FAM193A: variants seen among roughly 807,000 people sequenced by gnomAD.
The protein encoded by FAM193A is family with sequence similarity 193 member A.
A neutral mutation model predicts 126.5 loss-of-function variants in FAM193A; 22 were observed. The observed-to-expected ratio is 0.17, with a 90% confidence interval of 0.12 to 0.25. The LOEUF is 0.25. Ranked by LOEUF, FAM193A falls within the 10% of genes least tolerant of loss-of-function variation. The pLI is 1.00. For missense variants in FAM193A, 1,675 were observed against 1,672.8 expected (o/e 1.00, Z -0.02); for synonymous variants, 761 against 646.8 (o/e 1.18, Z -2.68).
intron 5 of FAM193A, among the ~76,000 whole-genome samples, chr4:2,637,101 T>C (rs1260964107): frequency 6.6e-6 from 1 of 152,100 alleles, no homozygotes; most frequent in South Asian, 2.1e-4. Flanking sequence ...CCAAGGTGGG[T>C]GGATTACTTG....
Position 2,661,439 on chromosome 4 carries a change from G to A in FAM193A, c.1745+1385G>A, listed in dbSNP as rs1712432441. Among the ~76,000 whole-genome samples the A allele has an allele frequency of 2.0e-5, 3 of 152,190 alleles. No homozygotes were observed. In the South Asian group the frequency reaches 6.2e-4, roughly 32 times the overall value. The stretch of plus-strand genomic sequence containing the variant: ...CCTCCTGCTGTCACATGGAGCAAAT[G>A]GCTGAGTTACTTCACTAGAACCTCA... On this transcript the variant is annotated intron_variant, in intron 10 of 20. Transcript: ENST00000637812.
intron 20 of FAM193A, among the ~76,000 whole-genome samples, chr4:2,723,131 G>A (rs556038321): frequency 8.5e-5 from 13 of 152,224 alleles, no homozygotes; most frequent in African/African-American, 1.9e-4. Context: ...AAAATTAGCC[G>A]GGTGTGGTGG....
chr4:2,651,323 T>A (rs1367949378), intron 7 of FAM193A, among the ~76,000 whole-genome samples: 1 of 151,690 alleles, frequency 6.6e-6, no homozygotes, highest in Non-Finnish European at 1.5e-5. Flanking sequence ...AGAGTGAAAC[T>A]CTGTCTCAAA....
At chr4:2,578,402 A>T (rs1302108306) in intron 1 of FAM193A, among the ~76,000 whole-genome samples, 2 of 151,864 alleles carry the variant, frequency 1.3e-5, no homozygotes, top group Non-Finnish European at 2.9e-5. Flanking sequence ...TGTATCAAGC[A>T]CTTGACATAC....
At chr4:2,553,301 G>GC (rs1304017997) in intron 1 of FAM193A, among the ~76,000 whole-genome samples, 19 of 151,916 alleles carry the variant, frequency 1.3e-4, no homozygotes, top group Non-Finnish European at 2.2e-4. Context: ...TGAATAGCCA[G>GC]CCATTGCACT....
intron 16 of FAM193A, among the ~76,000 whole-genome samples, chr4:2,694,392 C>T (rs920720293): frequency 6.6e-6 from 1 of 152,014 alleles, no homozygotes; most frequent in African/African-American, 2.4e-5. Context: ...GCCTCAGCCT[C>T]CCAAGTAGTG....
intron 13 of FAM193A, among the ~76,000 whole-genome samples, chr4:2,674,329 TA>T (rs1413748704): frequency 6.6e-6 from 1 of 152,248 alleles, no homozygotes; most frequent in African/African-American, 2.4e-5. Context: ...CATAATGCGT[TA>T]GCAGCCCTGA....
In FAM193A at chr4:2,696,428, C is replaced by G. The variant is rs1333704185; in HGVS notation, c.3342C>G (p.Thr1114=). The change falls in exon 18 of 21, where the codon ACC becomes ACG. Residue 1114 remains threonine, a synonymous_variant. Coordinates refer to ENST00000637812, the MANE Select transcript of FAM193A (RefSeq NM_001366318.2). ...EMREKLRLRL[T]KRKEEQPKKM... Reference sequence around the variant, plus strand: ...GGGAAAAGCTTCGCTTACGGCTGACCAAGAGGAAAGAGGAGCAACCTAAAA... The same window carrying G: ...GGGAAAAGCTTCGCTTACGGCTGACGAAGAGGAAAGAGGAGCAACCTAAAA... The G allele has an allele frequency of 6.2e-7, 1 of 1,614,108 alleles. No homozygotes were observed. The highest frequency in any genetic ancestry group is 8.5e-7 in the Non-Finnish European group (1 of 1,180,022).
At position 2,567,262 on chromosome 4, in the gene FAM193A, C is replaced by T. The variant is rs149804117; in HGVS notation, c.256-28822C>T. Reference sequence around the variant, plus strand: ...CACGCCCGGCCTGAGCCACCACGCCCGGCCTGACTAGCTGAATTTCAACAG... The same window carrying T: ...CACGCCCGGCCTGAGCCACCACGCCTGGCCTGACTAGCTGAATTTCAACAG... On this transcript the variant is annotated intron_variant, in intron 1 of 20. Transcript: ENST00000637812. Among the ~76,000 whole-genome samples the T allele has an allele frequency of 1.2e-4, 18 of 150,556 alleles. No homozygotes were observed. In the East Asian group the frequency reaches 1.7e-3, roughly 15 times the overall value.
In FAM193A at chr4:2,690,669, A is replaced by G. The variant is rs753573406; in HGVS notation, c.2531-29A>G. 39 of 1,589,036 alleles carry G rather than the reference A, an allele frequency of 2.5e-5. 1 individual carries two copies. In the South Asian group the frequency reaches 3.8e-4, roughly 15 times the overall value. ...TTAGCTAAGTATGATTGCTGTCAGAAGCCTTAATTTTCCTGTTCTTCTTTG... is the reference window on the plus strand; with the variant it reads ...TTAGCTAAGTATGATTGCTGTCAGAGGCCTTAATTTTCCTGTTCTTCTTTG... On this transcript the variant is annotated intron_variant, in intron 14 of 20. Transcript: ENST00000637812.
At chr4:2,639,659 G>A (rs750191761) in intron 5 of FAM193A, 76 bp from the exon 6 acceptor site, 4 of 1,174,850 alleles carry the variant, frequency 3.4e-6, no homozygotes, top group Non-Finnish European at 4.7e-6. Flanking sequence ...GAGGGGGGAG[G>A]GAATCCCTCT....
chr4:2,627,722 C>T (rs1251693572), intron 4 of FAM193A, among the ~76,000 whole-genome samples: 5 of 149,706 alleles, frequency 3.3e-5, no homozygotes, highest in Non-Finnish European at 4.4e-5. Context: ...GGATTACAGG[C>T]GCCTGCCACT....
chr4:2,695,758 T>C (rs1049842050), intron 17 of FAM193A, among the ~76,000 whole-genome samples: 1 of 152,176 alleles, frequency 6.6e-6, no homozygotes, highest in African/African-American at 2.4e-5. Flanking sequence ...CATGAAAAGA[T>C]ATTCACACCA....
At chr4:2,691,325 C>G (rs958019698) in intron 15 of FAM193A, among the ~76,000 whole-genome samples, 43 of 152,224 alleles carry the variant, frequency 2.8e-4, no homozygotes, top group Non-Finnish European at 7.3e-5. Context: ...AAGCGATTCT[C>G]CTACCTCAGC....
chr4:2,608,208 G>A (rs185511836), intron 2 of FAM193A: 17 of 1,317,192 alleles, frequency 1.3e-5, no homozygotes, highest in Admixed American at 1.2e-4. Context: ...TTTTCGAGAC[G>A]GTCGGTCTCG....
At chr4:2,600,030 C>G (rs1160903625) in intron 2 of FAM193A, among the ~76,000 whole-genome samples, 3 of 151,986 alleles carry the variant, frequency 2.0e-5, no homozygotes, top group African/African-American at 7.2e-5. Context: ...CTCCCGAGTA[C>G]CGGGGACTAT....
At position 2,702,371 on chromosome 4, in the gene FAM193A, G is replaced by A. The variant is rs970099597; in HGVS notation, c.4372+1827G>A. Among the ~76,000 whole-genome samples, 12 of 152,056 alleles carry A rather than the reference G, an allele frequency of 7.9e-5. No individual in the cohort carries two copies. In the East Asian group the frequency reaches 9.6e-4, roughly 12 times the overall value. ...ACTTTGTGTCATGGTTCGATGCTCC[G>A]GGCTCATCTCGTGTCTTCTCTCTCC... On this transcript the variant is annotated intron_variant, in intron 19 of 20. Transcript: ENST00000637812.
chr4:2,561,908 C>A (rs1361334523), intron 1 of FAM193A, among the ~76,000 whole-genome samples: 2 of 152,102 alleles, frequency 1.3e-5, no homozygotes, highest in East Asian at 3.8e-4. Flanking sequence ...GGCTTGTGAA[C>A]TCAACTTGTG....
intron 1 of FAM193A, among the ~76,000 whole-genome samples, chr4:2,577,187 C>G (rs1054389775): frequency 6.6e-6 from 1 of 151,924 alleles, no homozygotes; most frequent in African/African-American, 2.4e-5. Flanking sequence ...AAGCCTCGCT[C>G]TGTCACCCAG....
Sources: allele counts gnomAD v4.1 joint callset (sites outside exome capture counted in the v4.1 genomes callset), GRCh38; gene constraint gnomAD v4.1.1; transcripts MANE v1.5; gene names NCBI Gene and HGNC (gene_info 2026-07-23, HGNC 2026-07-21).